The following PLEKHA6 variants were observed in gnomAD, a reference collection of about 807,000 sequenced individuals.
PLEKHA6 encodes the protein pleckstrin homology domain-containing family A member 6.
In PLEKHA6, 60 loss-of-function variants were observed where a neutral mutation model predicts 116.7. The observed-to-expected ratio is 0.51, with a 90% CI of 0.42 to 0.64. The LOEUF (loss-of-function observed/expected upper bound fraction) is 0.64. Among genes scored for constraint, PLEKHA6 ranks in the 30% least tolerant of loss-of-function variants. The probability of loss-of-function intolerance (pLI) is 0.00; values close to 1 mark genes in which losing one functional copy is unlikely to be tolerated. For synonymous variants in PLEKHA6, 489 were observed against 556.1 expected, an observed-to-expected ratio of 0.88 and a Z score of 1.70; for missense variants, 1,338 against 1,422.7, an observed-to-expected ratio of 0.94 and a Z score of 0.96.
At position 204,344,286 on chromosome 1, in the gene PLEKHA6, T is replaced by G. The variant is rs552934404; in HGVS notation, c.-95+15408A>C. ...TAAACTCCTCTAAGCCGGCTGAAAA[T>G]AGCCCGCTCCTTCTCAAAAACAAAC... is the stretch of plus-strand genomic sequence containing the variant. On this transcript the variant is annotated intron_variant, in intron 1 of 22. Coordinates refer to ENST00000272203, the MANE Select transcript of PLEKHA6 (RefSeq NM_014935.5). 2.0e-5 allele frequency among the ~76,000 whole-genome samples: 3 copies of G among 152,192 alleles called. No homozygotes were observed. The South Asian group carries it at 6.2e-4, about 32-fold the overall frequency.
At chr1:204,256,891 G>A (rs991110263) in intron 9 of PLEKHA6, 17 of 638,638 alleles carry the variant, frequency 2.7e-5, no homozygotes, top group Non-Finnish European at 4.8e-5. Flanking sequence ...TAATCATACT[G>A]GAAGAGAAAG....
At chr1:204,235,321 T>G (rs577714512) in intron 17 of PLEKHA6, among the ~76,000 whole-genome samples, 5 of 151,538 alleles carry the variant, frequency 3.3e-5, no homozygotes, top group African/African-American at 9.7e-5. Context: ...AGGCAAGGAG[T>G]TTAGTGACTA....
chr1:204,263,998 A>G (rs1558097428), intron 6 of PLEKHA6, among the ~76,000 whole-genome samples: 1 of 152,064 alleles, frequency 6.6e-6, no homozygotes, highest in Non-Finnish European at 1.5e-5. Flanking sequence ...CTGGAGCCTG[A>G]AGGACAGGAA....
At chr1:204,372,140 C>T (rs1354153491) in intron 1 of PLEKHA6, among the ~76,000 whole-genome samples, 2 of 152,206 alleles carry the variant, frequency 1.3e-5, no homozygotes, top group Non-Finnish European at 2.9e-5. Context: ...TTTTCATTCA[C>T]GACATTCCCT....
At chr1:204,287,587 G>A (rs1273435707) in intron 1 of PLEKHA6, among the ~76,000 whole-genome samples, 1 of 152,078 alleles carries the variant, frequency 6.6e-6, no homozygotes, top group Non-Finnish European at 1.5e-5. Flanking sequence ...ACCCCCGCCA[G>A]GTTCTGTCTT....
intron 3 of PLEKHA6, among the ~76,000 whole-genome samples, chr1:204,271,854 T>C (rs980061902): frequency 2.6e-5 from 4 of 152,366 alleles, no homozygotes; most frequent in African/African-American, 4.8e-5. Flanking sequence ...GTGTCCTTCA[T>C]TGACCATCAT....
chr1:204,317,729 T>G (rs1247499406), intron 1 of PLEKHA6, among the ~76,000 whole-genome samples: 4 of 152,246 alleles, frequency 2.6e-5, no homozygotes, highest in African/African-American at 9.6e-5. Context: ...GAAATGCATT[T>G]TTTAAAAATT....
chr1:204,329,055 C>T (rs1672353798), intron 1 of PLEKHA6, among the ~76,000 whole-genome samples: 1 of 152,136 alleles, frequency 6.6e-6, no homozygotes, highest in African/African-American at 2.4e-5. Context: ...AGACTGTAAG[C>T]TATTATTATA....
rs932247206 is a variant in PLEKHA6 at position 204,347,351 on chromosome 1, C to T, written c.-95+12343G>A. Reference sequence around the variant, plus strand: ...ATATGGCTCTGTTCTGCCTGGCTCACTGGCTGTCAGAGTTTAAGGTGATCT... The same window carrying T: ...ATATGGCTCTGTTCTGCCTGGCTCATTGGCTGTCAGAGTTTAAGGTGATCT... On this transcript the variant is annotated intron_variant, in intron 1 of 22. Coordinates refer to ENST00000272203, the MANE Select transcript of PLEKHA6 (RefSeq NM_014935.5). 4.6e-6 allele frequency: 3 copies of T among 654,236 alleles called. No homozygotes were observed. The African/African-American group carries it at 5.4e-5, about 12-fold the overall frequency. 40.5% of individuals were successfully genotyped at this position (654,236 alleles called of 1,614,324 possible). A position where few individuals can be genotyped will look rare whatever the true frequency, so the allele number is the denominator to read the frequency against.
intron 1 of PLEKHA6, among the ~76,000 whole-genome samples, chr1:204,337,414 C>G (rs1353652811): frequency 6.6e-6 from 1 of 152,208 alleles, no homozygotes; most frequent in Non-Finnish European, 1.5e-5. Context: ...TACATCCTAA[C>G]TCACCCGGCG....
At chr1:204,268,108 A>C in intron 4 of PLEKHA6, 100 bp downstream of exon 4, 1 of 677,236 alleles carries the variant, frequency 1.5e-6, no homozygotes, top group South Asian at 2.2e-5. Flanking sequence ...GCAGGGGGAC[A>C]TACCAAAAAA....
At chr1:204,282,665 TG>T in intron 1 of PLEKHA6, 17 of 985,358 alleles carry the variant, frequency 1.7e-5, no homozygotes, top group Non-Finnish European at 2.0e-5. Flanking sequence ...CTTCCAATTG[TG>T]GGGAACTGCG....
Position 204,228,583 on chromosome 1 carries a change from A to G in PLEKHA6, c.2885+145T>C, listed in dbSNP as rs1249297847. On this transcript the variant is annotated intron_variant, in intron 20 of 22. Coordinates refer to ENST00000272203, the MANE Select transcript of PLEKHA6 (RefSeq NM_014935.5). The surrounding 1 kb of genome is among the most constrained non-coding windows in gnomAD (Gnocchi z 4.0). Reference sequence around the variant, plus strand: ...CAGCAGCATCCTTGCCTCTGCCGGTAGCTGGGCCCTGTCTGCTGCCTGGAG... The same window carrying G: ...CAGCAGCATCCTTGCCTCTGCCGGTGGCTGGGCCCTGTCTGCTGCCTGGAG... The G allele has an allele frequency of 2.8e-6, 2 of 719,552 alleles. No individual in the cohort carries two copies. Among genetic ancestry groups the G allele is most frequent in the Non-Finnish European group, 4.8e-6 (2 of 419,632 alleles). 44.6% of individuals were successfully genotyped at this position (719,552 alleles called of 1,614,324 possible). A position where few individuals can be genotyped will look rare whatever the true frequency, so the allele number is the denominator to read the frequency against.
At chr1:204,301,219 G>A (rs1021674603) in intron 1 of PLEKHA6, 1 of 983,754 alleles carries the variant, frequency 1.0e-6, no homozygotes, top group Non-Finnish European at 1.2e-6. Flanking sequence ...GAAGACAGGA[G>A]TTTCAGCAGA....
At position 204,219,535 on chromosome 1, in the gene PLEKHA6, G is replaced by C. The variant is rs1238370577; in HGVS notation, c.*3253C>G. 1 of 152,168 alleles carries C rather than the reference G, an allele frequency of 6.6e-6. No homozygotes were observed. The highest frequency in any genetic ancestry group is 2.4e-5 in the African/African-American group (1 of 41,442). 9.4% of individuals were successfully genotyped at this position (152,168 alleles called of 1,614,324 possible). A position where few individuals can be genotyped will look rare whatever the true frequency, so the allele number is the denominator to read the frequency against. On this transcript the variant is annotated 3_prime_UTR_variant, in exon 23 of 23. Coordinates refer to ENST00000272203, the MANE Select transcript of PLEKHA6 (RefSeq NM_014935.5). Reference sequence around the variant, plus strand: ...GAATAATCAGAGCTTCCCCAGGTGGGTCACTTAGCTCTGGACCCCCATCTG... The same window carrying C: ...GAATAATCAGAGCTTCCCCAGGTGGCTCACTTAGCTCTGGACCCCCATCTG...
intron 2 of PLEKHA6, among the ~76,000 whole-genome samples, chr1:204,370,358 C>A (rs572668319): frequency 6.6e-6 from 1 of 152,226 alleles, no homozygotes; most frequent in African/African-American, 2.4e-5. Context: ...TGGAACCAGG[C>A]GCCTAGTGTC....
chr1:204,280,270 G>A lies in PLEKHA6; in HGVS notation c.-94-5461C>T, dbSNP rs186499482. ...ATCCCCCTGGAGAGTCAGCCTCCAC[G>A]TGCAGTATACCTGGCACTACACTGT... On this transcript the variant is annotated intron_variant, in intron 1 of 22. Transcript: ENST00000272203. 6 of 978,946 alleles carry A rather than the reference G, an allele frequency of 6.1e-6. No individual in the cohort carries two copies. The East Asian group carries it at 3.4e-4, about 56-fold the overall frequency. 60.6% of individuals were successfully genotyped at this position (978,946 alleles called of 1,614,324 possible). A position where few individuals can be genotyped will look rare whatever the true frequency, so the allele number is the denominator to read the frequency against.
chr1:204,247,263 A>C, intron 13 of PLEKHA6, 102 bp downstream of exon 13: 1 of 683,896 alleles, frequency 1.5e-6, no homozygotes, highest in Non-Finnish European at 2.6e-6. Context: ...CCTGAAACTT[A>C]GAGTCTGTTA....
At chr1:204,297,621 G>A (rs35457431) in intron 1 of PLEKHA6, among the ~76,000 whole-genome samples, 31,083 of 151,668 alleles carry the variant, frequency 0.2, 3,669 homozygotes, top group South Asian at 0.29. Flanking sequence ...AACAGGGGGG[G>A]TGGGTAACAG....
Sources: allele counts gnomAD v4.1 joint callset (sites outside exome capture counted in the v4.1 genomes callset), GRCh38; gene constraint gnomAD v4.1.1; non-coding constraint Gnocchi (gnomAD v3.1); transcripts MANE v1.5; gene names NCBI Gene and HGNC (gene_info 2026-07-23, HGNC 2026-07-21).